The following ABTB3 variants were observed in gnomAD, a reference collection of about 807,000 sequenced individuals.
ABTB3 encodes ankyrin repeat- and BTB/POZ domain-containing protein 3.
At chr12:107,614,608 G>A in the ABTB3 span, among the ~76,000 whole-genome samples, 2 of 152,142 alleles carry the variant, frequency 1.3e-5, no homozygotes, top group South Asian at 2.1e-4. Context: ...AAGGAAGAAG[G>A]GGACAGGCCA....
the ABTB3 span, among the ~76,000 whole-genome samples, chr12:107,577,354 G>A: frequency 6.6e-6 from 1 of 152,150 alleles, no homozygotes; most frequent in Non-Finnish European, 1.5e-5. Context: ...GGCAGATCCA[G>A]GGCTGGGATT....
chr12:107,359,975 C>T, the ABTB3 span, among the ~76,000 whole-genome samples: 562 of 152,260 alleles, frequency 3.7e-3, 4 homozygotes, highest in African/African-American at 0.013. Context: ...TCTCTCTCTT[C>T]CTGTCATCAT....
chr12:107,322,438 T>C, the ABTB3 span, among the ~76,000 whole-genome samples: 1 of 152,226 alleles, frequency 6.6e-6, no homozygotes, highest in Non-Finnish European at 1.5e-5. Flanking sequence ...CCTTAGGTAT[T>C]GGAATCATAC....
the ABTB3 span, among the ~76,000 whole-genome samples, chr12:107,393,726 C>T: frequency 5.2e-4 from 79 of 152,176 alleles, no homozygotes; most frequent in African/African-American, 1.8e-3. Context: ...GTCAGGAGAT[C>T]GAGACCATCC....
At chr12:107,623,911 C>T in the ABTB3 span, among the ~76,000 whole-genome samples, 3 of 152,062 alleles carry the variant, frequency 2.0e-5, no homozygotes, top group Non-Finnish European at 4.4e-5. Flanking sequence ...CTAACTTAGA[C>T]GAAACGGTCA....
At chr12:107,600,321 G>T in the ABTB3 span, among the ~76,000 whole-genome samples, 2 of 152,154 alleles carry the variant, frequency 1.3e-5, no homozygotes, top group East Asian at 3.9e-4. Flanking sequence ...CAGTTTATGA[G>T]ATTATTTTGA....
chr12:107,345,662 T>C, the ABTB3 span, among the ~76,000 whole-genome samples: 1 of 152,094 alleles, frequency 6.6e-6, no homozygotes, highest in Non-Finnish European at 1.5e-5. Context: ...GAGGAGGGAC[T>C]GAATTCCCCA....
the ABTB3 span, among the ~76,000 whole-genome samples, chr12:107,432,437 C>A: frequency 1.3e-5 from 2 of 152,238 alleles, no homozygotes; most frequent in South Asian, 4.1e-4. Flanking sequence ...CCCTTCTCTA[C>A]CTTAGGGATG....
chr12:107,579,188 G>T, the ABTB3 span, among the ~76,000 whole-genome samples: 3 of 152,214 alleles, frequency 2.0e-5, no homozygotes, highest in Non-Finnish European at 4.4e-5. Context: ...AGGGCTTGAA[G>T]CCTTACAGAC....
chr12:107,392,483 C>G, the ABTB3 span, among the ~76,000 whole-genome samples: 1 of 152,180 alleles, frequency 6.6e-6, no homozygotes, highest in Non-Finnish European at 1.5e-5. Flanking sequence ...TCCAGCCACG[C>G]AGGTCGTTCT....
At chr12:107,531,553 C>T in the ABTB3 span, among the ~76,000 whole-genome samples, 3 of 152,060 alleles carry the variant, frequency 2.0e-5, no homozygotes, top group Admixed American at 6.6e-5. Context: ...GCAATGTCTC[C>T]GTTCCTCTCA....
the ABTB3 span, among the ~76,000 whole-genome samples, chr12:107,448,914 G>A: frequency 6.6e-6 from 1 of 152,234 alleles, no homozygotes; most frequent in Non-Finnish European, 1.5e-5. Flanking sequence ...GTACAGAGTA[G>A]TGCTTGGTGA....
At chr12:107,395,557 T>A in the ABTB3 span, among the ~76,000 whole-genome samples, 68 of 152,340 alleles carry the variant, frequency 4.5e-4, no homozygotes, top group Admixed American at 2.6e-3. Context: ...AGGTGCACCA[T>A]CTGTTCCAAC....
At chr12:107,563,746 G>A in the ABTB3 span, among the ~76,000 whole-genome samples, 1 of 152,118 alleles carries the variant, frequency 6.6e-6, no homozygotes. Context: ...GATGGAAAGG[G>A]TAGAAAGAGA....
At chr12:107,330,630 G>C in the ABTB3 span, among the ~76,000 whole-genome samples, 6 of 152,200 alleles carry the variant, frequency 3.9e-5, no homozygotes, top group African/African-American at 1.4e-4. Flanking sequence ...CAGCAGAGCT[G>C]GAACCGGTAT....
At chr12:107,527,551 C>T in the ABTB3 span, among the ~76,000 whole-genome samples, 9 of 151,872 alleles carry the variant, frequency 5.9e-5, no homozygotes, top group Admixed American at 5.2e-4. Flanking sequence ...GGATTACAGG[C>T]GTGAGCCATG....
the ABTB3 span, among the ~76,000 whole-genome samples, chr12:107,372,505 C>T: frequency 6.6e-5 from 10 of 152,132 alleles, no homozygotes; most frequent in South Asian, 2.1e-4. Context: ...ATAGAGCCTG[C>T]GTCCTCAAGA....
At chr12:107,626,124 A>T in the ABTB3 span, among the ~76,000 whole-genome samples, 2 of 152,042 alleles carry the variant, frequency 1.3e-5, no homozygotes, top group Non-Finnish European at 2.9e-5. Context: ...CAGTGAACCC[A>T]CAACTGTGCT....
chr12:107,547,866 C>T, the ABTB3 span, among the ~76,000 whole-genome samples: 1 of 152,224 alleles, frequency 6.6e-6, no homozygotes, highest in East Asian at 1.9e-4. Context: ...CAGTGCCATG[C>T]CTGGCACAAG....
Sources: gnomAD v4.1 joint callset for allele counts (sites outside exome capture counted in the v4.1 genomes callset) on GRCh38, gnomAD v4.1.1 for gene constraint, MANE v1.5 for transcripts, NCBI Gene and HGNC (gene_info 2026-07-23, HGNC 2026-07-21) for gene names.